Variants in ETV3L observed in about 807,000 individuals in gnomAD.
ETV3L encodes the protein ETS variant transcription factor 3 like.
In ETV3L, 30 loss-of-function variants were observed where a neutral mutation model predicts 27.6. The ratio of observed to expected loss-of-function variants is 1.09; its 90% CI spans 0.81 to 1.48. The LOEUF is 1.48. Among genes scored for constraint, ETV3L ranks in the 40% most tolerant of loss-of-function variants. The pLI, the probability that ETV3L is intolerant of heterozygous loss-of-function variation, is 0.00. For missense variants in ETV3L, 443 were observed against 455.6 expected, an observed-to-expected ratio of 0.97 and a Z score of 0.25; for synonymous variants, 186 against 188.9, an observed-to-expected ratio of 0.98 and a Z score of 0.12.
rs763541073 is a variant in ETV3L at position 157,099,429 on chromosome 1, C to T, written c.58+37G>A. On this transcript the variant is annotated intron_variant, in intron 1 of 4. Coordinates refer to ENST00000454449, the MANE Select transcript of ETV3L (RefSeq NM_001004341.2). Reference sequence around the variant, plus strand: ...CTCTGGAGGCCCTGCCCTAGGCCACCGTTGGAGCAGGGGGTAGGCCCGGCC... The same window carrying T: ...CTCTGGAGGCCCTGCCCTAGGCCACTGTTGGAGCAGGGGGTAGGCCCGGCC... 24 of 1,613,812 alleles carry T rather than the reference C, an allele frequency of 1.5e-5. No homozygotes were observed. The East Asian group carries it at 2.9e-4, about 19-fold the overall frequency.
rs1363156283 is a variant in ETV3L at position 157,092,913 on chromosome 1, A to G, written c.822T>C (p.Pro274=). 1.9e-6 allele frequency: 3 copies of G among 1,613,932 alleles called. No homozygotes were observed. The highest frequency in any genetic ancestry group is 1.7e-6 in the Non-Finnish European group (2 of 1,179,960). Residue 274 remains proline (P), a synonymous_variant, in exon 5 of 5, where the codon CCT becomes CCC. Transcript: ENST00000454449. ...AATGCCAGGCCCCTGGGAGGCTCCT[A>G]GGTCCTGGGAGCAGGATGTCTGGCT... ...AFKPDILLPG[P]RSLPGAWHFP... is the part of the protein sequence containing the mutation.
intron 2 of ETV3L, 103 bp downstream of exon 2, chr1:157,099,038 C>A: frequency 6.5e-7 from 1 of 1,533,802 alleles, no homozygotes; most frequent in Non-Finnish European, 8.9e-7. Flanking sequence ...GGCCAGGACA[C>A]TTCCCAAGCC....
In ETV3L at chr1:157,098,724, G is replaced by A. The variant is rs116859604; in HGVS notation, c.468C>T (p.Pro156=). The change falls in exon 3 of 5, where the codon CCC becomes CCT. Residue 156 remains proline, a synonymous_variant. Transcript: ENST00000454449. The part of the protein sequence containing the change: ...APALCRPALV[P]VGVQSELLHS... ...CTCTTACCTCACTCTGCACACCCAC[G>A]GGCACCAGCGCTGGCCGACACAGGG... The A allele has an allele frequency of 4.4e-5, 70 of 1,606,296 alleles. 1 individual carries two copies. In the African/African-American group the frequency reaches 6.6e-4, roughly 15 times the overall value.
chr1:157,098,230 G>A (rs1674270890), intron 3 of ETV3L, among the ~76,000 whole-genome samples: 1 of 151,948 alleles, frequency 6.6e-6, no homozygotes, highest in South Asian at 2.1e-4. Context: ...CCTAGTAGCT[G>A]GGATTACAGA....
chr1:157,093,225 A>C, intron 4 of ETV3L, 98 bp from the exon 5 acceptor site: 1 of 831,700 alleles, frequency 1.2e-6, no homozygotes, highest in Non-Finnish European at 1.7e-6. Flanking sequence ...CTTGCTTGGA[A>C]GTCTCTTCCT....
intron 4 of ETV3L, among the ~76,000 whole-genome samples, chr1:157,096,182 C>T (rs546456302): frequency 6.6e-5 from 10 of 152,258 alleles, no homozygotes; most frequent in Admixed American, 1.3e-4. Flanking sequence ...CTGACACTCA[C>T]GTATACTTTG....
rs767633624 is a variant in ETV3L at position 157,099,138 on chromosome 1, C to T, written c.296+3G>A. ...TTTGGCCATGTCAGCCGCCTCCTCT[C>T]ACCTGAGGGCCCGGCTCAGCTTGTC... On this transcript the variant is annotated splice_donor_region_variant and intron_variant, in intron 2 of 4. Coordinates refer to ENST00000454449, the MANE Select transcript of ETV3L (RefSeq NM_001004341.2). The T allele has an allele frequency of 3.1e-6, 5 of 1,613,842 alleles. No individual in the cohort carries two copies. The highest frequency in any genetic ancestry group is 1.1e-5 in the South Asian group (1 of 91,074).
intron 4 of ETV3L, among the ~76,000 whole-genome samples, chr1:157,093,348 C>T (rs1046932308): frequency 6.6e-6 from 1 of 152,156 alleles, no homozygotes; most frequent in African/African-American, 2.4e-5. Flanking sequence ...ACGATCCTCC[C>T]ACCTCAGCTT....
chr1:157,094,608 A>G (rs1395888703), intron 4 of ETV3L, among the ~76,000 whole-genome samples: 1 of 152,222 alleles, frequency 6.6e-6, no homozygotes, highest in Middle Eastern at 3.2e-3. Context: ...GTTGGGCTGT[A>G]GTGAATAAAA....
intron 2 of ETV3L, 38 bp downstream of exon 2, chr1:157,099,103 A>G: frequency 6.3e-7 from 1 of 1,593,612 alleles, no homozygotes; most frequent in Non-Finnish European, 8.6e-7. Context: ...TTTCCTTGAA[A>G]TCCCCCCTCT....
In ETV3L at chr1:157,099,395, G is replaced by A. The variant is rs1674298496; in HGVS notation, c.59-17C>T. The A allele has an allele frequency of 6.2e-7, 1 of 1,614,136 alleles. No homozygotes were observed. The highest frequency in any genetic ancestry group is 1.3e-5 in the African/African-American group (1 of 75,058). On this transcript the variant is annotated splice_polypyrimidine_tract_variant and intron_variant, in intron 1 of 4. Transcript: ENST00000454449. ...AGGCCAACCCTGGGTGGAGAGGGGA[G>A]AGTGAGGGCTCTGGAGGCCCTGCCC...
rs749665337 is a variant in ETV3L at position 157,092,786 on chromosome 1, T to G, written c.949A>C (p.Met317Leu). ...PEGLEVKPAP[M>L]MEAKGGLDPR... is the part of the protein sequence containing the mutation. ...TCCAGGCCTCCCTTTGCCTCCATCA[T>G]GGGAGCAGGCTTTACTTCCAGCCCC... is the stretch of plus-strand genomic sequence containing the variant. The change falls in exon 5 of 5, where the codon ATG (methionine) becomes CTG (leucine). Residue 317 changes from methionine (M) to leucine (L), a missense_variant. Physicochemically the swap from Met to Leu is conservative, Grantham distance 15 (BLOSUM62 2). Coordinates refer to ENST00000454449, the MANE Select transcript of ETV3L (RefSeq NM_001004341.2). The G allele has an allele frequency of 9.3e-6, 15 of 1,614,036 alleles. No homozygotes were observed. Among genetic ancestry groups the G allele is most frequent in the Non-Finnish European group, 1.3e-5 (15 of 1,180,028 alleles).
chr1:157,097,298 C>A (rs1380569026), intron 4 of ETV3L, among the ~76,000 whole-genome samples: 3 of 151,580 alleles, frequency 2.0e-5, no homozygotes, highest in Non-Finnish European at 4.4e-5. Context: ...CATGGTGAAA[C>A]CCCGTCTTTA....
rs753307195 is a variant in ETV3L, at chr1:157,097,895, T to C, written c.580A>G (p.Lys194Glu). 1 of 1,613,180 alleles carries C rather than the reference T, an allele frequency of 6.2e-7. No individual in the cohort carries two copies. Among genetic ancestry groups the C allele is most frequent in the East Asian group, 2.2e-5 (1 of 44,820 alleles). Residue 194 changes from lysine to glutamate, a missense_variant, in exon 4 of 5, where the codon AAG becomes GAG. Coordinates refer to ENST00000454449, the MANE Select transcript of ETV3L (RefSeq NM_001004341.2). ...TAGACGCTGCTGCTGCTCCCCTTCT[T>C]ATCCCCAGAGGTCTCTGGTGGCCCT... ...PRGPPETSGDKKGSSSSVYRL... is the reference protein window; with the variant it reads ...PRGPPETSGDEKGSSSSVYRL...
At position 157,094,622 on chromosome 1, in the gene ETV3L, G is replaced by A. The variant is rs1303460290; in HGVS notation, c.608-1495C>T. On this transcript the variant is annotated intron_variant, in intron 4 of 4. Coordinates refer to ENST00000454449, the MANE Select transcript of ETV3L (RefSeq NM_001004341.2). ...GGTTGGGCTGTAGTGAATAAAAACTGGAAAAACAGGCCAGGTGTGGTGGCT... is the reference window on the plus strand; with the variant it reads ...GGTTGGGCTGTAGTGAATAAAAACTAGAAAAACAGGCCAGGTGTGGTGGCT... Among the ~76,000 whole-genome samples the A allele has an allele frequency of 2.6e-5, 4 of 152,066 alleles. No homozygotes were observed. The East Asian group carries it at 7.7e-4, about 29-fold the overall frequency.
chr1:157,098,684 CA>C (rs1340107076), intron 3 of ETV3L, 21 bp downstream of exon 3: 1 of 1,547,526 alleles, frequency 6.5e-7, no homozygotes, highest in Non-Finnish European at 8.7e-7. Flanking sequence ...AGCCCTGAGA[CA>C]GGGGCCACCT....
At chr1:157,098,062 G>C in intron 3 of ETV3L, 74 bp from the exon 4 acceptor site, 1 of 1,455,622 alleles carries the variant, frequency 6.9e-7, no homozygotes, top group Non-Finnish European at 9.1e-7. Flanking sequence ...ATCTGGTACT[G>C]TTAGCCAGTT....
chr1:157,096,754 C>T (rs1227614517), intron 4 of ETV3L, among the ~76,000 whole-genome samples: 3 of 152,010 alleles, frequency 2.0e-5, no homozygotes. Flanking sequence ...AACCTGGTCT[C>T]TACTAAAAAT....
rs200873268 is a variant in ETV3L, at chr1:157,097,926, G to A, written c.549C>T (p.Thr183=). The part of the protein sequence containing the change: ...AMVEQLTGQQ[T]PRGPPETSGD... ...CAGAGGTCTCTGGTGGCCCTCGGGG[G>A]GTCTGCTGTCCTGTCAGCTGCTCCA... Residue 183 remains threonine, a synonymous_variant, in exon 4 of 5, where the codon ACC becomes ACT. Transcript: ENST00000454449. 12 of 1,613,592 alleles carry A rather than the reference G, an allele frequency of 7.4e-6. No individual in the cohort carries two copies. Among genetic ancestry groups the A allele is most frequent in the African/African-American group, 6.7e-5 (5 of 74,842 alleles).
Sources: allele counts gnomAD v4.1 joint callset (sites outside exome capture counted in the v4.1 genomes callset), GRCh38; gene constraint gnomAD v4.1.1; transcripts MANE v1.5; gene names NCBI Gene and HGNC (gene_info 2026-07-23, HGNC 2026-07-21).